The following DISP1 variants were observed in gnomAD, a reference collection of about 807,000 sequenced individuals.
DISP1 encodes the protein dispatched RND transporter family member 1.
A neutral mutation model predicts 37.3 loss-of-function variants in DISP1; 30 were observed. The ratio of observed to expected loss-of-function variants is 0.80; its 90% CI spans 0.60 to 1.09. DISP1 has a LOEUF of 1.09. Among genes scored for constraint, DISP1 ranks in the 50% least tolerant of loss-of-function variants. DISP1 has a pLI of 0.00. For missense variants in DISP1, 1,598 were observed against 1,879.5 expected (o/e 0.85, Z 2.77); for synonymous variants, 634 against 690.2 (o/e 0.92, Z 1.28).
chr1:222,859,482 A>C (rs758443713), intron 1 of DISP1, among the ~76,000 whole-genome samples: 2 of 152,232 alleles, frequency 1.3e-5, no homozygotes, highest in Non-Finnish European at 2.9e-5. Context: ...TGTACCCCAG[A>C]ACTTAAAATT....
intron 4 of DISP1, among the ~76,000 whole-genome samples, chr1:222,988,269 G>A (rs1678419256): frequency 6.6e-6 from 1 of 152,172 alleles, no homozygotes; most frequent in Non-Finnish European, 1.5e-5. Flanking sequence ...ATTTTTAATT[G>A]TAAGTTTTGG....
intron 2 of DISP1, among the ~76,000 whole-genome samples, chr1:222,931,551 G>A (rs536328734): frequency 2.2e-4 from 34 of 151,980 alleles, no homozygotes; most frequent in Admixed American, 7.9e-4. Flanking sequence ...ACATCTTAAG[G>A]ATCCTGTTTA....
chr1:223,001,319 A>T (rs1248216301), intron 8 of DISP1, among the ~76,000 whole-genome samples: 2 of 152,238 alleles, frequency 1.3e-5, no homozygotes. Flanking sequence ...AATAAACTTT[A>T]TGGAAGAAAT....
At chr1:222,994,785 T>C (rs1425658828) in intron 7 of DISP1, 100 bp from the exon 8 acceptor site, 1 of 847,462 alleles carries the variant, frequency 1.2e-6, no homozygotes, top group Non-Finnish European at 2.0e-6. Context: ...GAATCATCCA[T>C]GTGGTTTCCC....
At chr1:222,940,092 C>T (rs1442054529) in intron 2 of DISP1, among the ~76,000 whole-genome samples, 2 of 151,350 alleles carry the variant, frequency 1.3e-5, no homozygotes, top group Non-Finnish European at 2.9e-5. Flanking sequence ...CGCCACTGCA[C>T]TCCAGCCTGG....
chr1:222,991,470 A>G, intron 5 of DISP1, 50 bp from the exon 6 acceptor site: 6 of 1,611,238 alleles, frequency 3.7e-6, no homozygotes, highest in Non-Finnish European at 5.1e-6. Flanking sequence ...TTGTAACTGT[A>G]CTTAGCCTGA....
chr1:222,856,295 C>A (rs1393752540), intron 1 of DISP1, among the ~76,000 whole-genome samples: 3 of 152,214 alleles, frequency 2.0e-5, no homozygotes, highest in Non-Finnish European at 4.4e-5. Flanking sequence ...TAGTTCCAGG[C>A]TGTGTTGCTG....
At chr1:222,891,588 A>C (rs1408469404) in intron 1 of DISP1, among the ~76,000 whole-genome samples, 2 of 152,184 alleles carry the variant, frequency 1.3e-5, no homozygotes, top group Non-Finnish European at 2.9e-5. Flanking sequence ...AAAAACAAAA[A>C]AGCAGGAAAA....
At chr1:222,871,999 G>C (rs9441938) in intron 1 of DISP1, among the ~76,000 whole-genome samples, 63 of 150,108 alleles carry the variant, frequency 4.2e-4, no homozygotes, top group African/African-American at 1.4e-3. Flanking sequence ...TAGCATGAAG[G>C]GTTGTTGAAT....
At chr1:222,815,787 T>G (rs917768525) in intron 1 of DISP1, among the ~76,000 whole-genome samples, 36 of 152,152 alleles carry the variant, frequency 2.4e-4, no homozygotes, top group African/African-American at 8.7e-4. Flanking sequence ...CCTTTTGGAC[T>G]CTTCTCTACC....
chr1:222,913,816 A>G (rs1295828574), intron 1 of DISP1, among the ~76,000 whole-genome samples: 1 of 152,076 alleles, frequency 6.6e-6, no homozygotes, highest in Non-Finnish European at 1.5e-5. Flanking sequence ...AATAGCTTTT[A>G]TAAAATTTGA....
chr1:222,876,975 G>A (rs963744943), intron 1 of DISP1, among the ~76,000 whole-genome samples: 7 of 152,078 alleles, frequency 4.6e-5, no homozygotes, highest in African/African-American at 1.4e-4. Flanking sequence ...AATATTGCAC[G>A]CAAATTAAGA....
rs371359855 is a variant in DISP1, at chr1:223,003,292, G to A, written c.1895G>A (p.Cys632Tyr). The change falls in exon 9 of 9, where the codon TGC becomes TAC. Residue 632 changes from cysteine to tyrosine, a missense_variant. Physicochemically the swap from Cys to Tyr is radical, Grantham distance 194 (BLOSUM62 -2). Coordinates refer to ENST00000675850, the MANE Select transcript of DISP1 (RefSeq NM_001377229.1). The surrounding 1 kb of genome is among the most constrained non-coding windows in gnomAD (Gnocchi z 4.3). ...NYVSNITAIR[C>Y]FGVYAGTAIL... ...GTTAGCAACATTACAGCAATCCGAT[G>A]CTTTGGGGTTTATGCGGGGACAGCT... 3 of 1,614,216 alleles carry A rather than the reference G, an allele frequency of 1.9e-6. No homozygotes were observed. The highest frequency in any genetic ancestry group is 2.5e-6 in the Non-Finnish European group (3 of 1,180,046).
intron 4 of DISP1, among the ~76,000 whole-genome samples, chr1:222,984,417 A>AG (rs201043580): frequency 1.3e-5 from 1 of 76,420 alleles, no homozygotes; most frequent in Non-Finnish European, 2.6e-5. Context: ...AAAAAAAAAA[A>AG]AAAAATATAT....
chr1:223,000,926 T>G (rs928228445), intron 8 of DISP1, among the ~76,000 whole-genome samples: 1 of 152,196 alleles, frequency 6.6e-6, no homozygotes, highest in African/African-American at 2.4e-5. Context: ...ACTTTGGAGT[T>G]TCTTCCCTGG....
chr1:222,905,613 CTT>C (rs79448717), intron 1 of DISP1, among the ~76,000 whole-genome samples: 10,628 of 152,188 alleles, frequency 0.07, 475 homozygotes, highest in Non-Finnish European at 0.098. Flanking sequence ...AATGCCTACT[CTT>C]TTAGTACCAG....
At chr1:222,975,258 C>T (rs765214140) in intron 3 of DISP1, among the ~76,000 whole-genome samples, 4 of 152,064 alleles carry the variant, frequency 2.6e-5, no homozygotes, top group Non-Finnish European at 5.9e-5. Flanking sequence ...CTCCTGGGCT[C>T]AAGCGATCCT....
intron 1 of DISP1, among the ~76,000 whole-genome samples, chr1:222,851,156 T>C (rs1668210542): frequency 6.8e-6 from 1 of 147,638 alleles, no homozygotes; most frequent in Admixed American, 7.0e-5. Context: ...AACCTCCGCC[T>C]CCTGGGTTCC....
chr1:222,865,504 C>A (rs1344309795), intron 1 of DISP1, among the ~76,000 whole-genome samples: 3 of 152,106 alleles, frequency 2.0e-5, no homozygotes, highest in African/African-American at 7.2e-5. Context: ...ATCTTAAAAG[C>A]CTTTCCTGTT....
Sources: allele counts gnomAD v4.1 joint callset (sites outside exome capture counted in the v4.1 genomes callset), GRCh38; gene constraint gnomAD v4.1.1; non-coding constraint Gnocchi (gnomAD v3.1); transcripts MANE v1.5; gene names NCBI Gene and HGNC (gene_info 2026-07-23, HGNC 2026-07-21).